FGF13: variants seen among roughly 807,000 people sequenced by gnomAD.
The protein encoded by FGF13 is fibroblast growth factor homologous factor 2.
In FGF13, 2 loss-of-function variants were observed where a neutral mutation model predicts 19.5. The observed-to-expected ratio is 0.10, with a 90% CI of 0.04 to 0.32. FGF13 has a LOEUF of 0.32. Ranked by LOEUF, FGF13 falls within the 10% of genes least tolerant of loss-of-function variation. FGF13 has a pLI of 1.00. For missense variants in FGF13, 113 were observed against 192.7 expected (o/e 0.59, Z 2.45); for synonymous variants, 72 against 76.9 (o/e 0.94, Z 0.33).
intron 1 of FGF13, among the ~76,000 whole-genome samples, chrX:138,968,069 C>G (rs920652660): frequency 2.2e-4 from 25 of 111,564 alleles, no homozygotes; most frequent in African/African-American, 7.2e-4. Flanking sequence ...TCTGCTCTTT[C>G]TATTTCACCT....
intron 1 of FGF13, among the ~76,000 whole-genome samples, chrX:138,736,008 A>C (rs1051881550): frequency 3.6e-5 from 4 of 112,490 alleles, no homozygotes; most frequent in African/African-American, 1.3e-4. Context: ...AGAGACACTT[A>C]TACTGCCAAT....
chrX:138,914,301 T>C (rs2091606994), intron 1 of FGF13, among the ~76,000 whole-genome samples: 2 of 108,338 alleles, frequency 1.8e-5, no homozygotes, highest in African/African-American at 3.4e-5. Flanking sequence ...ACAAATACCA[T>C]TACAATCCTT....
intron 3 of FGF13, among the ~76,000 whole-genome samples, chrX:138,745,396 G>C (rs906026497): frequency 1.8e-5 from 2 of 111,655 alleles, no homozygotes; most frequent in Admixed American, 1.9e-4. Context: ...CTCTCTCTCT[G>C]AGGAAGAATA....
chrX:138,631,132 C>T lies in FGF13; in HGVS notation c.*1718G>A, dbSNP rs1180140799. 2 of 112,099 alleles carry T rather than the reference C, an allele frequency of 1.8e-5. No individual in the cohort carries two copies. Among genetic ancestry groups the T allele is most frequent in the Non-Finnish European group, 3.8e-5 (2 of 53,265 alleles). The allele number at this position is 112,099 out of a possible 1,213,427, so 9.2% of individuals were successfully genotyped here. A position where few individuals can be genotyped will look rare whatever the true frequency, so the allele number is the denominator to read the frequency against. On this transcript the variant is annotated 3_prime_UTR_variant, in exon 5 of 5. Transcript: ENST00000315930. ...AGAGACCATCTGTATTGACTGTTCT[C>T]AAAGTGTTCATTGCCAGACAATGCA... is the stretch of plus-strand genomic sequence containing the variant.
At chrX:138,872,740 T>C (rs2091364959) in intron 1 of FGF13, among the ~76,000 whole-genome samples, 1 of 112,189 alleles carries the variant, frequency 8.9e-6, no homozygotes, top group African/African-American at 3.2e-5. Context: ...ATGGAAGTGG[T>C]AGACTGACTG....
At chrX:138,777,202 T>C (rs188375795) in intron 3 of FGF13, among the ~76,000 whole-genome samples, 19 of 111,274 alleles carry the variant, frequency 1.7e-4, no homozygotes, top group African/African-American at 4.2e-4. Flanking sequence ...GGGGACATGA[T>C]TGGGAGCCCT....
At chrX:138,938,926 G>A (rs1377511722) in intron 1 of FGF13, among the ~76,000 whole-genome samples, 1 of 111,228 alleles carries the variant, frequency 9.0e-6, no homozygotes, top group African/African-American at 3.3e-5. Flanking sequence ...GCGGGACTGG[G>A]GTGCAATGCA....
At chrX:139,179,185 G>A (rs953082387) in intron 1 of FGF13, among the ~76,000 whole-genome samples, 1 of 111,086 alleles carries the variant, frequency 9.0e-6, no homozygotes, top group Non-Finnish European at 1.9e-5. Context: ...AATTAATTTT[G>A]CACCAACTTA....
At chrX:138,854,619 C>T (rs1035151745), downstream of FGF13, among the ~76,000 whole-genome samples, 4 of 112,148 alleles carry the variant, frequency 3.6e-5, no homozygotes, top group Non-Finnish European at 7.5e-5. Flanking sequence ...TTTAGTAATT[C>T]CAACTGTATC....
At chrX:138,944,736 G>A (rs1569427697) in intron 1 of FGF13, among the ~76,000 whole-genome samples, 1 of 110,978 alleles carries the variant, frequency 9.0e-6, no homozygotes, top group Non-Finnish European at 1.9e-5. Flanking sequence ...TTACAACCAG[G>A]CAGGCTAATT....
At chrX:138,991,364 G>C (rs1258287538) in intron 1 of FGF13, among the ~76,000 whole-genome samples, 2 of 112,018 alleles carry the variant, frequency 1.8e-5, no homozygotes, top group African/African-American at 6.5e-5. Flanking sequence ...CTGTGTGTCT[G>C]GTAATTTACA....
In FGF13 at chrX:139,042,331, TG is replaced by T. The variant is rs201629895; in HGVS notation, c.-113+161084del. Among the ~76,000 whole-genome samples the T allele has an allele frequency of 9.4e-3, 1,054 of 111,705 alleles. 19 individuals carry two copies. The highest frequency in any genetic ancestry group is 0.032 in the African/African-American group (976 of 30,602). On this transcript the variant is annotated intron_variant, in intron 1 of 2. Transcript: ENST00000421460. ...GCAGATCCATGAGAAATGAATCATT[TG>T]GACCAGGAATCATCCCAAGAATGGA...
intron 1 of FGF13, among the ~76,000 whole-genome samples, chrX:139,102,748 C>T (rs1482669268): frequency 2.7e-5 from 3 of 112,279 alleles, no homozygotes; most frequent in Non-Finnish European, 5.6e-5. Context: ...TGCTGACGGC[C>T]AAATGGGCCG....
chrX:138,915,376 G>A (rs942787397), intron 1 of FGF13, among the ~76,000 whole-genome samples: 3 of 111,445 alleles, frequency 2.7e-5, no homozygotes, highest in Non-Finnish European at 5.7e-5. Context: ...GGACATATTC[G>A]ATTGAGTTCC....
At chrX:138,794,690 G>A (rs951330234) in intron 3 of FGF13, among the ~76,000 whole-genome samples, 5 of 111,347 alleles carry the variant, frequency 4.5e-5, no homozygotes, top group East Asian at 2.8e-4. Context: ...CTGACCTATC[G>A]TCCCAAAGGT....
Position 138,758,776 on chromosome X carries a change from T to C in FGF13, c.218-49848A>G, listed in dbSNP as rs757921628. Among the ~76,000 whole-genome samples, 3 of 112,494 alleles carry C rather than the reference T, an allele frequency of 2.7e-5. No individual in the cohort carries two copies. In the East Asian group the frequency reaches 8.4e-4, roughly 32 times the overall value. The stretch of plus-strand genomic sequence containing the variant: ...TTAAAGGACACAGCCAAAATCAATA[T>C]ATACATTCTATTCCATATAACAGTC... On this transcript the variant is annotated intron_variant, in intron 3 of 6. Transcript: ENST00000436198.
At chrX:138,984,596 G>A (rs1569436198) in intron 1 of FGF13, among the ~76,000 whole-genome samples, 19 of 42,672 alleles carry the variant, frequency 4.5e-4, no homozygotes, top group African/African-American at 1.4e-3. Flanking sequence ...AGAAGGAGGA[G>A]GAGGAGGAGG....
chrX:138,886,381 C>G (rs2091451845), intron 1 of FGF13, among the ~76,000 whole-genome samples: 1 of 112,183 alleles, frequency 8.9e-6, no homozygotes, highest in South Asian at 3.7e-4. Flanking sequence ...GTTTTATGAA[C>G]AAAGTCAATA....
intron 1 of FGF13, among the ~76,000 whole-genome samples, chrX:139,090,090 C>T (rs2083429879): frequency 8.9e-6 from 1 of 112,053 alleles, no homozygotes; most frequent in African/African-American, 3.2e-5. Context: ...TATCAAGTTC[C>T]TATACCATAA....
Sources: gnomAD v4.1 joint callset for allele counts (sites outside exome capture counted in the v4.1 genomes callset) on GRCh38, gnomAD v4.1.1 for gene constraint, MANE v1.5 for transcripts, NCBI Gene and HGNC (gene_info 2026-07-23, HGNC 2026-07-21) for gene names.